Variants in DPP6 observed in about 807,000 individuals in gnomAD.
DPP6 encodes the protein dipeptidyl peptidase like 6.
A neutral mutation model predicts 122.6 loss-of-function variants in DPP6; 69 were observed. The observed-to-expected ratio is 0.56, with a 90% CI of 0.46 to 0.69. The LOEUF (loss-of-function observed/expected upper bound fraction) is 0.69, where lower values mean the gene tolerates loss of function less well. Ranked by LOEUF, DPP6 falls within the 30% of genes least tolerant of loss-of-function variation. The probability of loss-of-function intolerance (pLI) is 0.00; values close to 1 mark genes in which losing one functional copy is unlikely to be tolerated. For synonymous variants in DPP6, 418 were observed against 433.1 expected (o/e 0.97, Z 0.43); for missense variants, 928 against 1,116.9 (o/e 0.83, Z 2.41).
the DPP6 span, among the ~76,000 whole-genome samples, chr7:153,826,889 C>T: frequency 6.6e-6 from 1 of 151,984 alleles, no homozygotes; most frequent in Non-Finnish European, 1.5e-5. Context: ...TATACTAACA[C>T]AAAAATAATT....
At chr7:154,224,349 A>G (rs1305904464) in intron 1 of DPP6, among the ~76,000 whole-genome samples, 5 of 148,814 alleles carry the variant, frequency 3.4e-5, no homozygotes, top group African/African-American at 1.3e-4. Flanking sequence ...AAATAATACA[A>G]TAAAATAAAA....
chr7:154,262,677 A>G (rs949996356), intron 1 of DPP6, among the ~76,000 whole-genome samples: 3 of 150,334 alleles, frequency 2.0e-5, no homozygotes, highest in East Asian at 2.0e-4. Context: ...AAAAAAGACT[A>G]GAGACTCTAG....
intron 1 of DPP6, among the ~76,000 whole-genome samples, chr7:154,255,419 G>A (rs1301370932): frequency 6.6e-6 from 1 of 152,228 alleles, no homozygotes; most frequent in South Asian, 2.1e-4. Flanking sequence ...GAGAGGAAGC[G>A]CCAGTGAAAT....
At chr7:154,305,029 AG>A (rs1806177875) in intron 1 of DPP6, 1 of 8,204 alleles carries the variant, frequency 1.2e-4, no homozygotes, top group African/African-American at 6.0e-4. Context: ...CCCCAGCCCC[AG>A]CCCCAGCCCC....
At chr7:154,065,799 C>CTGGGTTTTCCTCAGGGAA (rs1031471378) in intron 1 of DPP6, among the ~76,000 whole-genome samples, 1 of 152,020 alleles carries the variant, frequency 6.6e-6, no homozygotes, top group African/African-American at 2.4e-5. Context: ...TCCTCAGGGA[C>CTGGGTTTTCCTCAGGGAA]TGGGTTTTCC....
chr7:153,872,686 A>G, the DPP6 span, among the ~76,000 whole-genome samples: 50 of 152,312 alleles, frequency 3.3e-4, no homozygotes, highest in African/African-American at 1.2e-3. Flanking sequence ...TATCATTATC[A>G]TCTTAGATGG....
rs889877295 is a variant in DPP6 at position 154,605,146 on chromosome 7, C to G, written c.628-32675C>G. On this transcript the variant is annotated intron_variant, in intron 5 of 25. Transcript: ENST00000377770. ...ATTTTTCTTTGCATATAGAGGTGAT[C>G]GTATTGTTCCTTTTTGTTTAATCTA... Among the ~76,000 whole-genome samples the G allele has an allele frequency of 1.7e-5, 2 of 118,420 alleles. 1 individual carries two copies. The highest frequency in any genetic ancestry group is 7.2e-4 in the East Asian group (2 of 2,788). 77.7% of individuals were successfully genotyped at this position (118,420 alleles called of 152,430 possible).
intron 1 of DPP6, among the ~76,000 whole-genome samples, chr7:154,303,616 T>C (rs1409709979): frequency 1.3e-5 from 2 of 152,138 alleles, no homozygotes; most frequent in Non-Finnish European, 2.9e-5. Context: ...TACCCACCCC[T>C]GGACCTCCCT....
In DPP6 at chr7:154,055,217, T is replaced by G. The variant is rs2628674; in HGVS notation, c.243+2154T>G. ...TGCCCATTATCTGCACATATATATC[T>G]GGCACACATCTGCAAAATGCATTGC... On this transcript the variant is annotated intron_variant, in intron 1 of 25. Coordinates refer to ENST00000377770, the MANE Select transcript of DPP6 (RefSeq NM_130797.4). 4.4e-5 allele frequency among the ~76,000 whole-genome samples: 6 copies of G among 135,020 alleles called. No homozygotes were observed. In the East Asian group the frequency reaches 1.3e-3, roughly 29 times the overall value. The allele number at this position is 135,020 out of a possible 152,430, so 88.6% of individuals were successfully genotyped here.
rs1183043884 is a variant in DPP6 at position 154,877,969 on chromosome 7, G to C, written c.2078+1869G>C. ...CTCCCAGGACACGGAAGCCGGCCCAGGCTGCGCTCTGGAGTGGAGTGGGCC... is the reference window on the plus strand; with the variant it reads ...CTCCCAGGACACGGAAGCCGGCCCACGCTGCGCTCTGGAGTGGAGTGGGCC... On this transcript the variant is annotated intron_variant, in intron 20 of 25. Transcript: ENST00000377770. This position sits in a 1 kb window ranked among gnomAD's most constrained non-coding sequence, Gnocchi z 5.2. Among the ~76,000 whole-genome samples the C allele has an allele frequency of 6.6e-6, 1 of 152,238 alleles. No homozygotes were observed. The highest frequency in any genetic ancestry group is 1.5e-5 in the Non-Finnish European group (1 of 68,030).
chr7:154,197,461 A>G (rs1736890230), intron 1 of DPP6, among the ~76,000 whole-genome samples: 1 of 152,112 alleles, frequency 6.6e-6, no homozygotes, highest in African/African-American at 2.4e-5. Context: ...CCTCCTCACA[A>G]ATATTCAGGT....
At chr7:154,442,780 G>T (rs1819501618) in intron 1 of DPP6, among the ~76,000 whole-genome samples, 1 of 152,086 alleles carries the variant, frequency 6.6e-6, no homozygotes, top group Admixed American at 6.6e-5. Flanking sequence ...TAACACTGTT[G>T]GCTAATATCT....
intron 8 of DPP6, among the ~76,000 whole-genome samples, chr7:154,749,385 A>G (rs1478641604): frequency 3.4e-4 from 45 of 131,114 alleles, no homozygotes; most frequent in Admixed American, 5.4e-4. Context: ...AGGACGAGAG[A>G]GAGAGGGATG....
At chr7:154,063,133 CA>C (rs1802271963) in intron 1 of DPP6, among the ~76,000 whole-genome samples, 1 of 128,584 alleles carries the variant, frequency 7.8e-6, no homozygotes, top group African/African-American at 2.8e-5. Flanking sequence ...AGGCACCCCC[CA>C]CGAGAGTGGG....
chr7:154,250,815 G>A (rs1802306066), intron 1 of DPP6, among the ~76,000 whole-genome samples: 1 of 152,186 alleles, frequency 6.6e-6, no homozygotes, highest in Admixed American at 6.5e-5. Flanking sequence ...GGGGTGGGGT[G>A]CGTGCTGAGG....
intron 1 of DPP6, among the ~76,000 whole-genome samples, chr7:153,966,504 C>T (rs1404896800): frequency 7.0e-6 from 1 of 141,870 alleles, no homozygotes; most frequent in East Asian, 2.2e-4. Flanking sequence ...TCATCTTCCT[C>T]TCCTCCTGCT....
intron 7 of DPP6, among the ~76,000 whole-genome samples, chr7:154,698,031 A>G (rs1479991999): frequency 1.3e-5 from 2 of 152,120 alleles, no homozygotes; most frequent in African/African-American, 2.4e-5. Context: ...AAAAAATAGG[A>G]AAAAAAGCCT....
intron 1 of DPP6, among the ~76,000 whole-genome samples, chr7:154,246,727 CAT>C (rs1425921201): frequency 1.3e-5 from 2 of 152,136 alleles, no homozygotes; most frequent in Non-Finnish European, 2.9e-5. Context: ...CAGAATTAGA[CAT>C]ACACATATAC....
At chr7:154,669,616 G>A (rs1838425996) in intron 7 of DPP6, among the ~76,000 whole-genome samples, 175 bp downstream of exon 7, 1 of 152,010 alleles carries the variant, frequency 6.6e-6, no homozygotes, top group African/African-American at 2.4e-5. Context: ...ATGTAAAAGG[G>A]TCATTTCTTT....
Sources: allele counts gnomAD v4.1 joint callset (sites outside exome capture counted in the v4.1 genomes callset), GRCh38; gene constraint gnomAD v4.1.1; non-coding constraint Gnocchi (gnomAD v3.1); transcripts MANE v1.5; gene names NCBI Gene and HGNC (gene_info 2026-07-23, HGNC 2026-07-21).